KCND2: variants seen among roughly 807,000 people sequenced by gnomAD.
KCND2 encodes the protein potassium voltage-gated channel subfamily D member 2, also known as A-type voltage-gated potassium channel KCND2.
In KCND2, 16 loss-of-function variants were observed where a neutral mutation model predicts 54.4. The observed-to-expected ratio is 0.29, with a 90% CI of 0.20 to 0.45. The LOEUF (loss-of-function observed/expected upper bound fraction) is 0.45, where lower values mean the gene tolerates loss of function less well. Among genes scored for constraint, KCND2 ranks in the 20% least tolerant of loss-of-function variants. The probability of loss-of-function intolerance (pLI) is 1.00; values close to 1 mark genes in which losing one functional copy is unlikely to be tolerated. For synonymous variants in KCND2, 317 were observed against 310.7 expected, an observed-to-expected ratio of 1.02 and a Z score of -0.21; for missense variants, 486 against 824.2, an observed-to-expected ratio of 0.59 and a Z score of 5.02.
At chr7:120,464,214 G>T in intron 1 of KCND2, 1 of 248,250 alleles carries the variant, frequency 4.0e-6, no homozygotes, top group Non-Finnish European at 6.3e-6. Flanking sequence ...ATTTTGATTT[G>T]ACTGGTCAAG....
At chr7:120,430,390 G>C (rs2116162615) in intron 1 of KCND2, among the ~76,000 whole-genome samples, 1 of 152,152 alleles carries the variant, frequency 6.6e-6, no homozygotes, top group African/African-American at 2.4e-5. Context: ...TTAAGGATAA[G>C]ACCTCACCAC....
chr7:120,326,457 G>A (rs1007248343), intron 1 of KCND2, among the ~76,000 whole-genome samples: 4 of 151,860 alleles, frequency 2.6e-5, no homozygotes, highest in African/African-American at 9.7e-5. Context: ...TGACTTTTTC[G>A]ATTACAACAA....
At chr7:120,294,554 A>G (rs1278709942) in intron 1 of KCND2, among the ~76,000 whole-genome samples, 1 of 151,806 alleles carries the variant, frequency 6.6e-6, no homozygotes, top group South Asian at 2.1e-4. Context: ...ACATTTACAT[A>G]TTTATAAAGA....
At chr7:120,315,851 A>G (rs73431905) in intron 1 of KCND2, among the ~76,000 whole-genome samples, 4 of 151,254 alleles carry the variant, frequency 2.6e-5, no homozygotes, top group Admixed American at 1.3e-4. Context: ...AGTGAGATGG[A>G]CTAAAAATTT....
intron 1 of KCND2, among the ~76,000 whole-genome samples, chr7:120,634,305 A>G (rs570323405): frequency 8.5e-5 from 13 of 152,308 alleles, no homozygotes; most frequent in African/African-American, 3.1e-4. Context: ...TTGAGAAAAT[A>G]TTAATAAAAA....
At chr7:120,484,774 A>G (rs562881910) in intron 1 of KCND2, among the ~76,000 whole-genome samples, 1 of 151,980 alleles carries the variant, frequency 6.6e-6, no homozygotes, top group Admixed American at 6.6e-5. Flanking sequence ...AAATTGAGAG[A>G]TTATCCAGCA....
chr7:120,742,388 A>G (rs1792952914), intron 3 of KCND2, 122 bp from the exon 4 acceptor site: 1 of 811,336 alleles, frequency 1.2e-6, no homozygotes, highest in African/African-American at 1.7e-5. Context: ...GTTCCTTTCT[A>G]GTTAGAAAAA....
intron 1 of KCND2, among the ~76,000 whole-genome samples, chr7:120,437,733 A>G (rs755208904): frequency 2.0e-5 from 3 of 152,242 alleles, no homozygotes; most frequent in Non-Finnish European, 2.9e-5. Flanking sequence ...ACTGACTGAT[A>G]TAGAATATAT....
chr7:120,741,457 A>G, intron 2 of KCND2, 77 bp from the exon 3 acceptor site: 1 of 975,606 alleles, frequency 1.0e-6, no homozygotes. Context: ...TGACAATAGG[A>G]TTATACAAGG....
chr7:120,459,152 A>G (rs916946040), intron 1 of KCND2, among the ~76,000 whole-genome samples: 4 of 152,066 alleles, frequency 2.6e-5, no homozygotes, highest in African/African-American at 9.7e-5. Flanking sequence ...ATCAGGCACT[A>G]CAAAATCTGG....
chr7:120,410,151 T>C (rs1402325427), intron 1 of KCND2, among the ~76,000 whole-genome samples: 2 of 151,922 alleles, frequency 1.3e-5, no homozygotes, highest in Non-Finnish European at 2.9e-5. Flanking sequence ...AGATCATCTT[T>C]TTTTATTAAG....
intron 1 of KCND2, among the ~76,000 whole-genome samples, chr7:120,622,910 G>A (rs570433278): frequency 2.8e-4 from 43 of 152,062 alleles, no homozygotes; most frequent in African/African-American, 8.4e-4. Flanking sequence ...AATCCATTTC[G>A]TAGGAGAATC....
At chr7:120,544,262 A>G (rs778573989) in intron 1 of KCND2, among the ~76,000 whole-genome samples, 1 of 151,924 alleles carries the variant, frequency 6.6e-6, no homozygotes, top group Non-Finnish European at 1.5e-5. Context: ...ACAGAAAGGT[A>G]ATTACAGCTG....
chr7:120,361,140 C>G (rs1584746880), intron 1 of KCND2, among the ~76,000 whole-genome samples: 1 of 151,962 alleles, frequency 6.6e-6, no homozygotes, highest in Non-Finnish European at 1.5e-5. Flanking sequence ...TCTGTTTTGA[C>G]TGTCACAGAA....
chr7:120,478,476 G>T (rs1189329850), intron 1 of KCND2, among the ~76,000 whole-genome samples: 1 of 152,062 alleles, frequency 6.6e-6, no homozygotes, highest in African/African-American at 2.4e-5. Context: ...AGCACTGCTA[G>T]TATCATCTTT....
intron 1 of KCND2, among the ~76,000 whole-genome samples, chr7:120,621,070 C>G (rs750852454): frequency 1.3e-5 from 2 of 151,646 alleles, no homozygotes; most frequent in Non-Finnish European, 2.9e-5. Context: ...TTTAGGAGTT[C>G]GAGACCAGCC....
chr7:120,445,642 ATTATC>A (rs1371124235), intron 1 of KCND2, among the ~76,000 whole-genome samples: 1 of 152,168 alleles, frequency 6.6e-6, no homozygotes, highest in Non-Finnish European at 1.5e-5. Context: ...CATTATGTAT[ATTATC>A]TTATTTTTAA....
chr7:120,419,165 C>CTA, intron 1 of KCND2, among the ~76,000 whole-genome samples: 1 of 152,056 alleles, frequency 6.6e-6, no homozygotes, highest in Admixed American at 6.6e-5. Flanking sequence ...ATTGTACTTC[C>CTA]TATATATATC....
intron 1 of KCND2, among the ~76,000 whole-genome samples, chr7:120,368,923 T>C (rs185107076): frequency 6.6e-6 from 1 of 152,220 alleles, no homozygotes; most frequent in Non-Finnish European, 1.5e-5. Context: ...TTTCAGTTAT[T>C]CATTGTCCTT....
Sources: gnomAD v4.1 joint callset for allele counts (sites outside exome capture counted in the v4.1 genomes callset) on GRCh38, gnomAD v4.1.1 for gene constraint, MANE v1.5 for transcripts, NCBI Gene and HGNC (gene_info 2026-07-23, HGNC 2026-07-21) for gene names.